BCOR: variants seen among roughly 807,000 people sequenced by gnomAD.
The protein encoded by BCOR is BCL6 corepressor, also known as BCL-6 corepressor.
Under a neutral mutation model 86.7 loss-of-function variants are expected in BCOR, and 10 were observed. The observed-to-expected ratio is 0.12, with a 90% CI of 0.07 to 0.20. The LOEUF (loss-of-function observed/expected upper bound fraction) is 0.20, where lower values mean the gene tolerates loss of function less well. Among genes scored for constraint, BCOR ranks in the 10% least tolerant of loss-of-function variants. BCOR has a pLI of 1.00. For synonymous variants in BCOR, 611 were observed against 609.0 expected (o/e 1.00, Z -0.05); for missense variants, 1,259 against 1,452.1 (o/e 0.87, Z 2.16).
rs546960508 is a variant in BCOR at position 40,110,667 on chromosome X, C to CTTTTTTTTTT, written c.-40-32708_-40-32699dup. Among the ~76,000 whole-genome samples, 5 of 29,551 alleles carry CTTTTTTTTTT rather than the reference C, an allele frequency of 1.7e-4. 1 individual carries two copies. The highest frequency in any genetic ancestry group is 9.8e-4 in the East Asian group (1 of 1,020). The allele number at this position is 29,551 out of a possible 115,157, so 25.7% of individuals were successfully genotyped here. ...TTCTTTTTTTTCTTTTTTCCTTTTTCTTTTTTTTTTTTTTTTTTTTTTTTT... is the reference window on the plus strand; with the variant it reads ...TTCTTTTTTTTCTTTTTTCCTTTTTCTTTTTTTTTTTTTTTTTTTTTTTTTTTTTTTTTTT... On this transcript the variant is annotated intron_variant, in intron 1 of 14. Transcript: ENST00000342274.
intron 8 of BCOR, 140 bp from the exon 9 acceptor site, chrX:40,063,211 C>T (rs774977541): frequency 1.7e-5 from 8 of 464,732 alleles, no homozygotes; most frequent in Non-Finnish European, 2.9e-5. Flanking sequence ...TTTAAAGATA[C>T]ACCAATTATG....
intron 10 of BCOR, among the ~76,000 whole-genome samples, chrX:40,061,641 A>C (rs182761433): frequency 0.022 from 1,624 of 75,075 alleles, 53 homozygotes; most frequent in African/African-American, 0.078. Context: ...GTACCCCCCC[A>C]CTCAGAAAGA....
Position 40,073,162 on chromosome X carries a change from C to A in BCOR, c.2184G>T (p.Met728Ile), listed in dbSNP as rs753369833. Residue 728 changes from methionine to isoleucine, a missense_variant, in exon 4 of 15, where the codon ATG becomes ATT. By Grantham distance (10) the Met-to-Ile change is conservative. Around this residue, in one of 7 missense-constraint regions of BCOR, gnomAD observed 534 missense variants for 594.8 expected, o/e 0.90. Coordinates refer to ENST00000378444, the MANE Select transcript of BCOR (RefSeq NM_001123385.2). ...DALGLGMVHP[M>I]LIPHTPIEIT... ...TCTCTATGGGCGTGTGTGGTATCAACATGGGATGCACCATGCCCAACCCCA... is the reference window on the plus strand; with the variant it reads ...TCTCTATGGGCGTGTGTGGTATCAAAATGGGATGCACCATGCCCAACCCCA... The A allele has an allele frequency of 3.3e-6, 4 of 1,212,174 alleles. No individual in the cohort carries two copies. Among genetic ancestry groups the A allele is most frequent in the South Asian group, 3.5e-5 (2 of 57,040 alleles).
chrX:40,151,030 C>T (rs1281260756), intron 1 of BCOR, among the ~76,000 whole-genome samples: 2 of 111,663 alleles, frequency 1.8e-5, no homozygotes, highest in Non-Finnish European at 3.8e-5. Flanking sequence ...GAGGCTAAGG[C>T]TGGGGATGGC....
chrX:40,091,512 A>C (rs1936608691), intron 1 of BCOR, among the ~76,000 whole-genome samples: 1 of 112,837 alleles, frequency 8.9e-6, no homozygotes, highest in Non-Finnish European at 1.9e-5. Flanking sequence ...GATTGTAAAC[A>C]CATGGAGGTG....
chrX:40,063,091 C>CG lies in BCOR; in HGVS notation c.3848-21dup. On this transcript the variant is annotated intron_variant, in intron 8 of 14. Coordinates refer to ENST00000378444, the MANE Select transcript of BCOR (RefSeq NM_001123385.2). Reference sequence around the variant, plus strand: ...GCAAGCCTAAATACGGAGGGGGTGACGGGGTGGCGGGCGGATGGGAGACGG... The same window carrying CG: ...GCAAGCCTAAATACGGAGGGGGTGACGGGGGTGGCGGGCGGATGGGAGACGG... 2 of 499,241 alleles carry CG rather than the reference C, an allele frequency of 4.0e-6. No individual in the cohort carries two copies. Among genetic ancestry groups the CG allele is most frequent in the South Asian group, 1.2e-4 (2 of 16,069 alleles). 41.1% of individuals were successfully genotyped at this position (499,241 alleles called of 1,213,427 possible).
chrX:40,132,903 C>T (rs1043044870), intron 1 of BCOR, among the ~76,000 whole-genome samples: 1 of 112,106 alleles, frequency 8.9e-6, no homozygotes, highest in African/African-American at 3.2e-5. Context: ...AGGCCCCACC[C>T]CAGGCCTAGT....
intron 1 of BCOR, among the ~76,000 whole-genome samples, chrX:40,112,048 G>A (rs932445405): frequency 4.5e-5 from 5 of 110,489 alleles, no homozygotes; most frequent in African/African-American, 9.9e-5. Flanking sequence ...GGGCCGGGGT[G>A]GGGGGGCGGC....
intron 11 of BCOR, among the ~76,000 whole-genome samples, chrX:40,056,539 A>G (rs748264486): frequency 1.8e-5 from 2 of 111,546 alleles, no homozygotes; most frequent in South Asian, 3.7e-4. Context: ...TCTCTGCCCA[A>G]TCTGAGGGAA....
intron 1 of BCOR, among the ~76,000 whole-genome samples, chrX:40,089,007 A>G (rs67359441): frequency 0.28 from 31,421 of 111,064 alleles, 6,414 homozygotes; most frequent in African/African-American, 0.71. Context: ...AAACTACGGT[A>G]ACAAAGGGAA....
intron 1 of BCOR, among the ~76,000 whole-genome samples, chrX:40,091,243 A>G (rs1375771790): frequency 8.9e-6 from 1 of 112,254 alleles, no homozygotes; most frequent in Non-Finnish European, 1.9e-5. Context: ...TACCATCTAA[A>G]AGCTCGCCCA....
chrX:40,061,340 G>C (rs780979761), intron 10 of BCOR, among the ~76,000 whole-genome samples: 3 of 111,472 alleles, frequency 2.7e-5, no homozygotes, highest in Admixed American at 9.5e-5. Context: ...GGGGGGATGG[G>C]GGGAGACTGG....
intron 1 of BCOR, among the ~76,000 whole-genome samples, chrX:40,124,107 T>C (rs1394882513): frequency 1.8e-5 from 2 of 110,841 alleles, no homozygotes; most frequent in Non-Finnish European, 3.8e-5. Flanking sequence ...CAGGGGAATA[T>C]GGTGAACTAC....
Position 40,074,114 on chromosome X carries a change from C to T in BCOR, c.1232G>A (p.Arg411Gln), listed in dbSNP as rs754579483. The T allele has an allele frequency of 9.9e-6, 12 of 1,211,874 alleles. No individual in the cohort carries two copies. Among genetic ancestry groups the T allele is most frequent in the Admixed American group, 4.3e-5 (2 of 46,102 alleles). Residue 411 changes from arginine (R) to glutamine (Q), a missense_variant, in exon 4 of 15, where the codon CGG becomes CAG. Arg to Gln is a conservative substitution (Grantham distance 43, BLOSUM62 1). Around this residue, in one of 7 missense-constraint regions of BCOR, gnomAD observed 534 missense variants for 594.8 expected, o/e 0.90. Coordinates refer to ENST00000378444, the MANE Select transcript of BCOR (RefSeq NM_001123385.2). ...TTTTCTGTCTTGAACCGCTGTCTTC[C>T]GGGCATGCCCGGGCACTGGCTGGGC... ...EGAQPVPGHA[R>Q]KTAVQDRKDG... is the part of the protein sequence containing the mutation.
chrX:40,173,720 C>T (rs1938680449), intron 1 of BCOR, among the ~76,000 whole-genome samples: 1 of 112,360 alleles, frequency 8.9e-6, no homozygotes, highest in Non-Finnish European at 1.9e-5. Flanking sequence ...TCCCTGCAGC[C>T]CTGGGGAAGA....
intron 1 of BCOR, among the ~76,000 whole-genome samples, chrX:40,089,670 AG>A (rs1936512055): frequency 9.0e-6 from 1 of 111,408 alleles, no homozygotes; most frequent in East Asian, 2.8e-4. Context: ...CAGAATAGTC[AG>A]GGGTAAGGTG....
chrX:40,172,919 G>A (rs958947370), intron 1 of BCOR, among the ~76,000 whole-genome samples: 4 of 112,959 alleles, frequency 3.5e-5, no homozygotes, highest in East Asian at 2.8e-4. Flanking sequence ...TCCGGCGGAC[G>A]TGACCGCCGG....
chrX:40,059,205 G>A (rs893638345), intron 10 of BCOR, among the ~76,000 whole-genome samples: 1 of 111,990 alleles, frequency 8.9e-6, no homozygotes, highest in African/African-American at 3.2e-5. Flanking sequence ...CAGGTCAGAC[G>A]TTTTGCCATT....
chrX:40,173,834 T>C (rs985010188), intron 1 of BCOR, among the ~76,000 whole-genome samples: 8 of 112,859 alleles, frequency 7.1e-5, no homozygotes, highest in Non-Finnish European at 1.1e-4. Flanking sequence ...CCAAAAGCCA[T>C]GTCCTCTGGG....
Sources: allele counts gnomAD v4.1 joint callset (sites outside exome capture counted in the v4.1 genomes callset), GRCh38; gene constraint gnomAD v4.1.1; regional missense constraint gnomAD v4.1.1; transcripts MANE v1.5; gene names NCBI Gene and HGNC (gene_info 2026-07-23, HGNC 2026-07-21).